The following MIR2052HG variants were observed in gnomAD, a reference collection of about 807,000 sequenced individuals.
MIR2052HG encodes MIR2052 host gene.
chr8:74,623,854 T>TTGATTAGGCCAG (rs1158661576), intron 2 of MIR2052HG, among the ~76,000 whole-genome samples: 2 of 152,176 alleles, frequency 1.3e-5, no homozygotes, highest in African/African-American at 4.8e-5. Context: ...ATATTGAACA[T>TTGATTAGGCCAG]TGATTAGGCC....
At chr8:74,639,117 G>T (rs920845016) in intron 2 of MIR2052HG, among the ~76,000 whole-genome samples, 1 of 152,170 alleles carries the variant, frequency 6.6e-6, no homozygotes, top group African/African-American at 2.4e-5. Flanking sequence ...GTAGCCTTGA[G>T]ATCCACATTT....
chr8:74,706,220 A>G (rs893872214), intron 4 of MIR2052HG, among the ~76,000 whole-genome samples: 13 of 152,094 alleles, frequency 8.5e-5, no homozygotes, highest in Non-Finnish European at 1.9e-4. Context: ...GGCAATGGAC[A>G]TGACCTGACT....
At chr8:74,620,722 A>G (rs187426655) in intron 2 of MIR2052HG, among the ~76,000 whole-genome samples, 19 of 152,062 alleles carry the variant, frequency 1.2e-4, no homozygotes, top group Non-Finnish European at 2.5e-4. Flanking sequence ...CCCTGAAACC[A>G]TTTTTCCCAC....
intron 2 of MIR2052HG, among the ~76,000 whole-genome samples, chr8:74,631,335 G>T (rs1030623155): frequency 2.6e-5 from 4 of 152,170 alleles, no homozygotes; most frequent in African/African-American, 9.7e-5. Flanking sequence ...TAGCAGCAAT[G>T]GTTTCTGGTA....
chr8:74,692,960 A>C (rs1302446353), intron 2 of MIR2052HG, among the ~76,000 whole-genome samples: 2 of 152,232 alleles, frequency 1.3e-5, no homozygotes, highest in Admixed American at 1.3e-4. Flanking sequence ...TGAAAATTAA[A>C]ATATATCTTG....
intron 2 of MIR2052HG, among the ~76,000 whole-genome samples, chr8:74,682,464 A>G (rs1458066563): frequency 6.6e-6 from 1 of 152,180 alleles, no homozygotes; most frequent in Admixed American, 6.6e-5. Flanking sequence ...AAATACTAAT[A>G]ATAAAATGGT....
At chr8:74,702,039 G>A (rs73687249) in intron 2 of MIR2052HG, among the ~76,000 whole-genome samples, 208 of 152,158 alleles carry the variant, frequency 1.4e-3, no homozygotes, top group African/African-American at 4.8e-3. Flanking sequence ...ATGCCAGAAC[G>A]GGTGTTTGCT....
intron 2 of MIR2052HG, among the ~76,000 whole-genome samples, chr8:74,690,958 AC>A (rs1809233929): frequency 1.3e-5 from 2 of 152,204 alleles, no homozygotes; most frequent in Non-Finnish European, 2.9e-5. Flanking sequence ...ACGTTTATTC[AC>A]TGAGTCCCAT....
At chr8:74,613,058 C>G in intron 2 of MIR2052HG, 1 of 365,438 alleles carries the variant, frequency 2.7e-6, no homozygotes, top group East Asian at 7.6e-5. Context: ...GAGAGCGTTG[C>G]TGATGAGAGA....
chr8:74,628,015 G>A (rs1298702346), intron 2 of MIR2052HG, among the ~76,000 whole-genome samples: 1 of 152,160 alleles, frequency 6.6e-6, no homozygotes, highest in Non-Finnish European at 1.5e-5. Context: ...TTTCCATAGT[G>A]CTGGGGTTTT....
chr8:74,724,332 C>G (rs1809612495), intron 4 of MIR2052HG, among the ~76,000 whole-genome samples: 3 of 152,110 alleles, frequency 2.0e-5, no homozygotes, highest in Admixed American at 6.5e-5. Flanking sequence ...ACAGCACAGA[C>G]CATCCAGAAG....
At chr8:74,735,080 CT>C (rs1809732354) in intron 4 of MIR2052HG, among the ~76,000 whole-genome samples, 1 of 152,336 alleles carries the variant, frequency 6.6e-6, no homozygotes, top group African/African-American at 2.4e-5. Context: ...TGGCCTCCCT[CT>C]GCCCAGTTTA....
At chr8:74,608,579 C>A (rs1458996552) in intron 1 of MIR2052HG, among the ~76,000 whole-genome samples, 1 of 151,986 alleles carries the variant, frequency 6.6e-6, no homozygotes, top group Non-Finnish European at 1.5e-5. Context: ...CCAAGATAGA[C>A]CATATTCTGA....
intron 2 of MIR2052HG, among the ~76,000 whole-genome samples, chr8:74,654,142 C>A (rs1384876746): frequency 2.6e-5 from 4 of 152,060 alleles, no homozygotes; most frequent in Admixed American, 2.6e-4. Flanking sequence ...TACAGAAGAG[C>A]AGTAGAGATA....
At chr8:74,713,279 T>C (rs1318791168) in intron 4 of MIR2052HG, among the ~76,000 whole-genome samples, 1 of 152,200 alleles carries the variant, frequency 6.6e-6, no homozygotes, top group South Asian at 2.1e-4. Context: ...TTCAGTGTAA[T>C]CATCACCTCT....
chr8:74,696,893 A>G lies in MIR2052HG; in HGVS notation n.217-5486A>G, dbSNP rs557408256. ...CACAGCTGAATTCTATCAGACATTC[A>G]AAGAAGAATTTGCACCAGTCCTTTT... On this transcript the variant is annotated intron_variant and non_coding_transcript_variant, in intron 2 of 6. Transcript: ENST00000523442. 2.0e-5 allele frequency among the ~76,000 whole-genome samples: 3 copies of G among 152,242 alleles called. No homozygotes were observed. The South Asian group carries it at 6.2e-4, about 32-fold the overall frequency.
At chr8:74,670,717 A>G (rs1470124530) in intron 2 of MIR2052HG, among the ~76,000 whole-genome samples, 4 of 152,220 alleles carry the variant, frequency 2.6e-5, no homozygotes, top group Non-Finnish European at 5.9e-5. Context: ...GTTATCAGAC[A>G]TTGATAAAAC....
intron 1 of MIR2052HG, among the ~76,000 whole-genome samples, chr8:74,600,236 C>T (rs532206407): frequency 6.6e-5 from 10 of 152,122 alleles, no homozygotes; most frequent in Admixed American, 2.0e-4. Context: ...TCCTATTCGG[C>T]CATCTTGGCT....
chr8:74,693,676 G>A (rs530212124), intron 2 of MIR2052HG, among the ~76,000 whole-genome samples: 29 of 152,070 alleles, frequency 1.9e-4, no homozygotes, highest in South Asian at 1.0e-3. Context: ...GCTGGGTGAG[G>A]CCTATCACTG....
Sources: gnomAD v4.1 joint callset for allele counts (sites outside exome capture counted in the v4.1 genomes callset) on GRCh38, gnomAD v4.1.1 for gene constraint, MANE v1.5 for transcripts, NCBI Gene and HGNC (gene_info 2026-07-23, HGNC 2026-07-21) for gene names.